P3H2: variants seen among roughly 807,000 people sequenced by gnomAD.
P3H2 encodes the protein prolyl 3-hydroxylase 2.
In P3H2, 80 loss-of-function variants were observed where a neutral mutation model predicts 87.0. That is an observed-to-expected ratio of 0.92 (90% CI 0.77 to 1.11). P3H2 has a LOEUF of 1.11. P3H2 is among the 50% of genes least tolerant of loss of function. The pLI, the probability that P3H2 is intolerant of heterozygous loss-of-function variation, is 0.00. For synonymous variants in P3H2, 367 were observed against 359.3 expected, an observed-to-expected ratio of 1.02 and a Z score of -0.24; for missense variants, 1,001 against 923.9, an observed-to-expected ratio of 1.08 and a Z score of -1.08.
At chr3:190,064,604 T>C (rs905338727) in intron 1 of P3H2, among the ~76,000 whole-genome samples, 7 of 152,182 alleles carry the variant, frequency 4.6e-5, no homozygotes, top group Non-Finnish European at 7.3e-5. Flanking sequence ...GACAATGGTA[T>C]GCCAGATACT....
intron 1 of P3H2, among the ~76,000 whole-genome samples, chr3:190,071,306 C>T (rs1726689363): frequency 6.6e-6 from 1 of 152,154 alleles, no homozygotes; most frequent in African/African-American, 2.4e-5. Context: ...TTTTCAATGC[C>T]AGTCCTTAAA....
In P3H2 at chr3:190,120,465, C is replaced by A; in HGVS notation, c.267G>T (p.Ala89=). 6 of 1,416,696 alleles carry A rather than the reference C, an allele frequency of 4.2e-6. No homozygotes were observed. The African/African-American group carries it at 7.5e-5, about 18-fold the overall frequency. The allele number at this position is 1,416,696 out of a possible 1,614,324, so 87.8% of individuals were successfully genotyped here. A position where few individuals can be genotyped will look rare whatever the true frequency, so the allele number is the denominator to read the frequency against. ...EIRTRCARHC[A]ARHPLPPPPP... Reference sequence around the variant, plus strand: ...GCGGGGGCGGGAGCGGGTGGCGCGCCGCGCAGTGGCGGGCACAGCGCGTGC... The same window carrying A: ...GCGGGGGCGGGAGCGGGTGGCGCGCAGCGCAGTGGCGGGCACAGCGCGTGC... Residue 89 remains alanine, a synonymous_variant, in exon 1 of 15, where the codon GCG becomes GCT. Coordinates refer to ENST00000319332, the MANE Select transcript of P3H2 (RefSeq NM_018192.4).
At chr3:190,026,983 A>G (rs1233606245) in intron 1 of P3H2, among the ~76,000 whole-genome samples, 1 of 152,246 alleles carries the variant, frequency 6.6e-6, no homozygotes, top group Admixed American at 6.5e-5. Context: ...TATTTAAAAC[A>G]TAACTGCCTT....
intron 1 of P3H2, among the ~76,000 whole-genome samples, chr3:190,004,201 G>C (rs1189290232): frequency 6.6e-6 from 1 of 151,920 alleles, no homozygotes; most frequent in East Asian, 1.9e-4. Context: ...TTATATAGTT[G>C]GCAAAGCATT....
rs114440554 is a variant in P3H2, at chr3:190,058,977, G to C, written c.480+61275C>G. Among the ~76,000 whole-genome samples the C allele has an allele frequency of 1.4e-3, 208 of 152,262 alleles. 1 individual carries two copies. The highest frequency in any genetic ancestry group is 4.9e-3 in the African/African-American group (203 of 41,560). On this transcript the variant is annotated intron_variant, in intron 1 of 14. Transcript: ENST00000319332. ...TTGGGGAAGGAGGGCATTCTTATTA[G>C]CTACCAACATTGTACATTCAGTTGT...
At chr3:189,989,274 T>C (rs1330763542) in intron 3 of P3H2, among the ~76,000 whole-genome samples, 2 of 152,184 alleles carry the variant, frequency 1.3e-5, no homozygotes, top group Non-Finnish European at 2.9e-5. Context: ...CAGCTCACAG[T>C]CTGTTCTCTA....
At chr3:190,059,547 GA>G (rs920035564) in intron 1 of P3H2, among the ~76,000 whole-genome samples, 8 of 151,998 alleles carry the variant, frequency 5.3e-5, no homozygotes, top group African/African-American at 1.9e-4. Context: ...ACCAGAATTG[GA>G]AAAAGTGACA....
intron 13 of P3H2, among the ~76,000 whole-genome samples, chr3:189,968,178 T>C (rs976335223): frequency 6.6e-6 from 1 of 152,198 alleles, no homozygotes; most frequent in Non-Finnish European, 1.5e-5. Context: ...GTTTGTTACA[T>C]AGGTGTACAT....
chr3:189,985,043 T>C (rs1723646783), intron 6 of P3H2, among the ~76,000 whole-genome samples: 1 of 151,892 alleles, frequency 6.6e-6, no homozygotes, highest in Non-Finnish European at 1.5e-5. Flanking sequence ...AAAAGAATAA[T>C]AAGTAAGGCC....
chr3:189,957,702 G>GAGAGGA lies in P3H2; in HGVS notation c.*209_*210insTCCTCT, dbSNP rs1491373003. 3 of 230,618 alleles carry GAGAGGA rather than the reference G, an allele frequency of 1.3e-5. No individual in the cohort carries two copies. The Admixed American group carries it at 1.7e-4, about 13-fold the overall frequency. The allele number at this position is 230,618 out of a possible 1,614,324, so 14.3% of individuals were successfully genotyped here. A position where few individuals can be genotyped will look rare whatever the true frequency, so the allele number is the denominator to read the frequency against. The stretch of plus-strand genomic sequence containing the variant: ...CATGGTTAGACCATGTCTCTAAGAA[G>GAGAGGA]AGAGAGAGAGAGAGAGAGAGAGAAA... On this transcript the variant is annotated 3_prime_UTR_variant, in exon 15 of 15. Transcript: ENST00000319332.
At chr3:189,985,035 A>G (rs1384347661) in intron 6 of P3H2, among the ~76,000 whole-genome samples, 1 of 152,072 alleles carries the variant, frequency 6.6e-6, no homozygotes. Context: ...ATAATTTTAA[A>G]AGAATAATAA....
At chr3:190,039,043 G>T (rs1239150194) in intron 1 of P3H2, among the ~76,000 whole-genome samples, 1 of 152,068 alleles carries the variant, frequency 6.6e-6, no homozygotes, top group Non-Finnish European at 1.5e-5. Flanking sequence ...TACAAAATTA[G>T]CCGGGCGAGG....
intron 1 of P3H2, among the ~76,000 whole-genome samples, chr3:190,088,436 C>T (rs758794555): frequency 1.3e-5 from 2 of 151,966 alleles, no homozygotes; most frequent in African/African-American, 2.4e-5. Context: ...CAAGGTAAGC[C>T]TGTGTTCCCT....
chr3:189,986,870 GT>G lies in P3H2; in HGVS notation c.1105del (p.Thr369GlnfsTer4). ...CAGCTTATGACGTTTCACAAACATTGTTAAATCCTAGAGAAAAAGAAGTAAA... is the reference window on the plus strand; with the variant it reads ...CAGCTTATGACGTTTCACAAACATTGTAAATCCTAGAGAAAAAGAAGTAAA... ...PASIEAREDL[T>X]MFVKRHKLES... On this transcript the variant is annotated frameshift_variant, in exon 6 of 15. Transcript: ENST00000319332. LOFTEE classifies it high-confidence loss of function. The G allele has an allele frequency of 6.2e-7, 1 of 1,607,404 alleles. No individual in the cohort carries two copies. The highest frequency in any genetic ancestry group is 8.5e-7 in the Non-Finnish European group (1 of 1,174,094).
At chr3:190,030,991 T>G (rs1271602204) in intron 1 of P3H2, among the ~76,000 whole-genome samples, 1 of 152,184 alleles carries the variant, frequency 6.6e-6, no homozygotes, top group Non-Finnish European at 1.5e-5. Context: ...TAGTGAATGC[T>G]TTTTCAAGTT....
intron 1 of P3H2, among the ~76,000 whole-genome samples, chr3:190,005,344 G>A (rs1724355896): frequency 6.6e-6 from 1 of 152,176 alleles, no homozygotes; most frequent in Non-Finnish European, 1.5e-5. Context: ...ACTGCATGGG[G>A]GCATATAGAT....
At chr3:190,062,435 A>G (rs2108967405) in intron 1 of P3H2, among the ~76,000 whole-genome samples, 1 of 152,280 alleles carries the variant, frequency 6.6e-6, no homozygotes, top group East Asian at 1.9e-4. Flanking sequence ...AACAAATTCA[A>G]ATTGAATAAA....
intron 1 of P3H2, among the ~76,000 whole-genome samples, chr3:190,001,350 G>GT (rs1261553890): frequency 6.6e-6 from 1 of 152,072 alleles, no homozygotes; most frequent in Non-Finnish European, 1.5e-5. Context: ...TCTTTTGAAG[G>GT]TTTTTTGTAC....
intron 1 of P3H2, among the ~76,000 whole-genome samples, chr3:190,085,216 C>CA (rs1727173133): frequency 6.6e-6 from 1 of 152,100 alleles, no homozygotes; most frequent in African/African-American, 2.4e-5. Context: ...GGAGCTAGAA[C>CA]CCAATGTTGT....
Sources: allele counts gnomAD v4.1 joint callset (sites outside exome capture counted in the v4.1 genomes callset), GRCh38; gene constraint gnomAD v4.1.1; transcripts MANE v1.5; gene names NCBI Gene and HGNC (gene_info 2026-07-23, HGNC 2026-07-21).